Variants in DSTN observed in about 807,000 individuals in gnomAD.
DSTN encodes destrin.
In DSTN, 10 loss-of-function variants were observed where a neutral mutation model predicts 16.8. That is an observed-to-expected ratio of 0.60 (90% CI 0.37 to 1.01). DSTN has a LOEUF of 1.01. Ranked by LOEUF, DSTN falls within the 50% of genes least tolerant of loss-of-function variation. DSTN has a pLI of 0.01. For missense variants in DSTN, 141 were observed against 196.7 expected, an observed-to-expected ratio of 0.72 and a Z score of 1.69; for synonymous variants, 57 against 58.9, an observed-to-expected ratio of 0.97 and a Z score of 0.14.
intron 2 of DSTN, among the ~76,000 whole-genome samples, chr20:17,601,645 T>C (rs1208689005): frequency 6.6e-6 from 1 of 152,234 alleles, no homozygotes; most frequent in African/African-American, 2.4e-5. Flanking sequence ...GGCCACCTTA[T>C]TGAGTAGCAC....
At chr20:17,573,317 G>A (rs951343529) in intron 1 of DSTN, among the ~76,000 whole-genome samples, 8 of 151,700 alleles carry the variant, frequency 5.3e-5, no homozygotes, top group Non-Finnish European at 8.8e-5. Flanking sequence ...TTGTGGGGGT[G>A]GTTTTTTTTT....
At chr20:17,596,876 CATT>C in intron 1 of DSTN, 1 of 870,966 alleles carries the variant, frequency 1.1e-6, no homozygotes, top group South Asian at 5.3e-5. Context: ...ACTAGTACAT[CATT>C]GATTTAATTT....
At position 17,608,709 on chromosome 20, in the gene DSTN, T is replaced by A. The variant is rs2035668363; in HGVS notation, c.*1563T>A. The A allele has an allele frequency of 6.6e-6, 1 of 151,740 alleles. No individual in the cohort carries two copies. Among genetic ancestry groups the A allele is most frequent in the Non-Finnish European group, 1.5e-5 (1 of 68,006 alleles). 9.4% of individuals were successfully genotyped at this position (151,740 alleles called of 1,614,324 possible). A position where few individuals can be genotyped will look rare whatever the true frequency, so the allele number is the denominator to read the frequency against. On this transcript the variant is annotated 3_prime_UTR_variant, in exon 4 of 4. Coordinates refer to ENST00000246069, the MANE Select transcript of DSTN (RefSeq NM_006870.4). The stretch of plus-strand genomic sequence containing the variant: ...TTTTCAATGTTTATTACACTATAAG[T>A]GTAATAAATATTATACAAAATTATA...
intron 3 of DSTN, among the ~76,000 whole-genome samples, chr20:17,606,571 T>C (rs943775784): frequency 5.3e-5 from 8 of 152,210 alleles, no homozygotes; most frequent in African/African-American, 1.9e-4. Flanking sequence ...GTACAACATA[T>C]CTTTAGAAAA....
intron 1 of DSTN, among the ~76,000 whole-genome samples, chr20:17,584,647 C>T (rs1196321012): frequency 3.5e-5 from 5 of 143,260 alleles, no homozygotes; most frequent in Non-Finnish European, 6.0e-5. Flanking sequence ...AACGAAACTC[C>T]GTCTCAAAAA....
chr20:17,582,714 A>G (rs1228648726), intron 1 of DSTN, among the ~76,000 whole-genome samples: 1 of 152,240 alleles, frequency 6.6e-6, no homozygotes, highest in Non-Finnish European at 1.5e-5. Flanking sequence ...AAAATGGATC[A>G]TAAATCTAAA....
intron 1 of DSTN, chr20:17,596,618 A>G (rs1421681869): frequency 1.0e-6 from 1 of 985,068 alleles, no homozygotes; most frequent in East Asian, 1.1e-4. Context: ...GAATATTTGT[A>G]ATTGTGTCAA....
At chr20:17,593,384 G>A (rs1490402839) in intron 1 of DSTN, among the ~76,000 whole-genome samples, 3 of 151,728 alleles carry the variant, frequency 2.0e-5, no homozygotes, top group African/African-American at 7.3e-5. Flanking sequence ...TTTTTTTTCA[G>A]GGTAACACAA....
At chr20:17,600,534 G>A (rs894900284) in intron 1 of DSTN, among the ~76,000 whole-genome samples, 2 of 152,306 alleles carry the variant, frequency 1.3e-5, no homozygotes, top group African/African-American at 4.8e-5. Context: ...CTGTGCAGTA[G>A]TGAGGAATGG....
chr20:17,571,116 C>T (rs1031704506), intron 1 of DSTN, among the ~76,000 whole-genome samples: 5 of 152,310 alleles, frequency 3.3e-5, no homozygotes, highest in African/African-American at 1.2e-4. Flanking sequence ...ATATTTTCCC[C>T]CTTTACACTG....
At chr20:17,583,756 T>TTTTC in intron 1 of DSTN, among the ~76,000 whole-genome samples, 1 of 140,658 alleles carries the variant, frequency 7.1e-6, no homozygotes, top group African/African-American at 2.7e-5. Context: ...TTTTTTTTTT[T>TTTTC]TTGAGACAAG....
chr20:17,602,050 A>G (rs2035593309), intron 2 of DSTN, among the ~76,000 whole-genome samples: 2 of 152,054 alleles, frequency 1.3e-5, no homozygotes, highest in Non-Finnish European at 2.9e-5. Context: ...CTTGGAGTGT[A>G]AAAGGGATAT....
At chr20:17,588,008 CAGTACATAATGTACTGTTCCCTA>C (rs1468006906) in intron 1 of DSTN, among the ~76,000 whole-genome samples, 2 of 152,186 alleles carry the variant, frequency 1.3e-5, no homozygotes, top group African/African-American at 4.8e-5. Flanking sequence ...AGCACGAGAC[CAGTACATAATGTACTGTTCCCTA>C]CTTGCTTTTT....
chr20:17,588,687 G>A (rs1044240729), intron 1 of DSTN, among the ~76,000 whole-genome samples: 32 of 152,266 alleles, frequency 2.1e-4, no homozygotes, highest in South Asian at 4.1e-4. Context: ...GGGAGGCTGA[G>A]GCAGGAGAAT....
intron 1 of DSTN, among the ~76,000 whole-genome samples, chr20:17,584,514 T>C (rs1027477829): frequency 4.0e-5 from 6 of 151,774 alleles, no homozygotes; most frequent in African/African-American, 1.5e-4. Flanking sequence ...TAGCCGGGCG[T>C]GTTGGCGCAT....
At chr20:17,605,647 C>T (rs910095070) in intron 3 of DSTN, among the ~76,000 whole-genome samples, 1 of 152,194 alleles carries the variant, frequency 6.6e-6, no homozygotes, top group Admixed American at 6.5e-5. Flanking sequence ...TGGCAACCCC[C>T]AGAAGTGTGT....
At chr20:17,599,341 G>A (rs2035561431) in intron 1 of DSTN, 1 of 152,282 alleles carries the variant, frequency 6.6e-6, no homozygotes, top group African/African-American at 2.4e-5. Context: ...GAACATTCCA[G>A]ATACTTCACA....
chr20:17,601,114 G>T, intron 2 of DSTN, 69 bp downstream of exon 2: 1 of 1,479,480 alleles, frequency 6.8e-7, no homozygotes, highest in Non-Finnish European at 9.0e-7. Flanking sequence ...ACCAGTTCCA[G>T]CACCAAAGTA....
intron 3 of DSTN, among the ~76,000 whole-genome samples, chr20:17,604,955 T>C (rs941257019): frequency 6.6e-6 from 1 of 152,244 alleles, no homozygotes; most frequent in Admixed American, 6.5e-5. Flanking sequence ...TTGTTTAACA[T>C]TGGACATAAT....
Sources: allele counts gnomAD v4.1 joint callset (sites outside exome capture counted in the v4.1 genomes callset), GRCh38; gene constraint gnomAD v4.1.1; transcripts MANE v1.5; gene names NCBI Gene and HGNC (gene_info 2026-07-23, HGNC 2026-07-21).